SIK3: variants seen among roughly 807,000 people sequenced by gnomAD.
SIK3 encodes the protein SIK family kinase 3, also known as serine/threonine-protein kinase SIK3.
In SIK3, 28 loss-of-function variants were observed where a neutral mutation model predicts 144.2. The ratio of observed to expected loss-of-function variants is 0.19; its 90% CI spans 0.14 to 0.27. SIK3 has a LOEUF of 0.27. Among genes scored for constraint, SIK3 ranks in the 10% least tolerant of loss-of-function variants. The pLI is 1.00. For missense variants in SIK3, 1,319 were observed against 1,776.0 expected (o/e 0.74, Z 4.62); for synonymous variants, 686 against 676.3 (o/e 1.01, Z -0.22).
intron 6 of SIK3, among the ~76,000 whole-genome samples, chr11:116,888,209 A>G (rs1565412060): frequency 6.6e-6 from 1 of 152,224 alleles, no homozygotes; most frequent in Non-Finnish European, 1.5e-5. Flanking sequence ...TAGACCCTTC[A>G]GGAAGAAAAA....
At chr11:117,013,826 G>A in intron 1 of SIK3, among the ~76,000 whole-genome samples, 1 of 131,650 alleles carries the variant, frequency 7.6e-6, no homozygotes, top group Non-Finnish European at 1.6e-5. Context: ...AAGGAAAGGA[G>A]ATTTCTAAAA....
chr11:116,947,117 AT>A (rs1469346807), intron 3 of SIK3, among the ~76,000 whole-genome samples: 1 of 3,816 alleles, frequency 2.6e-4, no homozygotes, highest in African/African-American at 1.0e-3. Flanking sequence ...TCTCAAAAAA[AT>A]ATATATATAA....
chr11:116,952,767 A>G (rs1948988319), intron 3 of SIK3, among the ~76,000 whole-genome samples: 1 of 152,182 alleles, frequency 6.6e-6, no homozygotes, highest in Admixed American at 6.5e-5. Context: ...GGAAAGGAAA[A>G]CCAGTGTCTT....
intron 1 of SIK3, among the ~76,000 whole-genome samples, chr11:117,074,921 C>T (rs182967594): frequency 6.3e-5 from 9 of 142,100 alleles, no homozygotes; most frequent in Admixed American, 4.9e-4. Context: ...AGAGAGACTC[C>T]GTCTCAAAAC....
intron 1 of SIK3, among the ~76,000 whole-genome samples, chr11:117,028,661 T>C (rs551441812): frequency 6.6e-6 from 1 of 151,880 alleles, no homozygotes; most frequent in South Asian, 2.1e-4. Flanking sequence ...AGCAAAAGCA[T>C]AAAGGCCTGA....
chr11:117,014,024 G>C (rs1440229194), intron 1 of SIK3, among the ~76,000 whole-genome samples: 2 of 110,276 alleles, frequency 1.8e-5, no homozygotes, highest in African/African-American at 7.2e-5. Flanking sequence ...CTGTCACCCA[G>C]TCTGGAGTGC....
chr11:117,020,094 G>A (rs1312187933), intron 1 of SIK3, among the ~76,000 whole-genome samples: 2 of 151,844 alleles, frequency 1.3e-5, no homozygotes, highest in African/African-American at 4.8e-5. Context: ...CAAACCCGGG[G>A]TTTGACGAAT....
At chr11:117,091,601 A>G (rs995035699) in intron 1 of SIK3, among the ~76,000 whole-genome samples, 8 of 152,198 alleles carry the variant, frequency 5.3e-5, no homozygotes, top group Non-Finnish European at 1.0e-4. Flanking sequence ...TTCATGCCCA[A>G]TAAATCAACA....
At position 116,906,807 on chromosome 11, in the gene SIK3, C is replaced by T. The variant is rs143548578; in HGVS notation, c.617-9490G>A. On this transcript the variant is annotated intron_variant, in intron 4 of 24. Transcript: ENST00000445177. ...CACAGAAATGGACTACAAATATAAT[C>T]CAGATCCATTCAGAGTTATCTACAA... is the stretch of plus-strand genomic sequence containing the variant. 3.5e-4 allele frequency among the ~76,000 whole-genome samples: 54 copies of T among 152,264 alleles called. 1 individual carries two copies. In the East Asian group the frequency reaches 0.01, roughly 29 times the overall value.
intron 1 of SIK3, among the ~76,000 whole-genome samples, chr11:117,094,761 T>C (rs1955395870): frequency 6.6e-6 from 1 of 150,608 alleles, no homozygotes; most frequent in Non-Finnish European, 1.5e-5. Context: ...TGTAATACTT[T>C]ATAGTTTCCT....
chr11:116,960,682 A>G (rs529293223), intron 1 of SIK3, among the ~76,000 whole-genome samples: 33 of 152,356 alleles, frequency 2.2e-4, no homozygotes, highest in Middle Eastern at 3.4e-3. Flanking sequence ...TAATTTTCCA[A>G]TGGCTCCCTA....
At chr11:116,981,310 T>C (rs1950133105) in intron 1 of SIK3, among the ~76,000 whole-genome samples, 3 of 152,228 alleles carry the variant, frequency 2.0e-5, no homozygotes, top group South Asian at 4.1e-4. Flanking sequence ...TGGAAGCCTA[T>C]AGCTGGTGCC....
chr11:116,997,305 C>T (rs987092877), intron 1 of SIK3, among the ~76,000 whole-genome samples: 4 of 152,206 alleles, frequency 2.6e-5, no homozygotes, highest in Non-Finnish European at 4.4e-5. Context: ...AACAGGTGGG[C>T]AGTCAGTCTG....
chr11:116,876,153 A>G (rs950168772), intron 8 of SIK3, 100 bp downstream of exon 8: 1 of 1,482,452 alleles, frequency 6.7e-7, no homozygotes, highest in African/African-American at 1.4e-5. Flanking sequence ...GAAAAACAGG[A>G]GGAAAAAAAA....
chr11:117,060,395 G>C (rs557535475), intron 1 of SIK3, among the ~76,000 whole-genome samples: 1 of 152,036 alleles, frequency 6.6e-6, no homozygotes, highest in Non-Finnish European at 1.5e-5. Flanking sequence ...TCAGGAGTTC[G>C]AGACCAACCT....
At chr11:117,053,402 GAAT>G (rs1468842491) in intron 1 of SIK3, among the ~76,000 whole-genome samples, 1 of 151,494 alleles carries the variant, frequency 6.6e-6, no homozygotes, top group Non-Finnish European at 1.5e-5. Context: ...AATGCTTTGA[GAAT>G]AATAATAATA....
chr11:117,044,066 A>C (rs1460027685), intron 1 of SIK3, among the ~76,000 whole-genome samples: 3 of 152,376 alleles, frequency 2.0e-5, no homozygotes, highest in African/African-American at 7.2e-5. Flanking sequence ...TTTGTCAATA[A>C]GCAAAGGAAT....
chr11:116,950,693 G>A lies in SIK3; in HGVS notation c.454+3351C>T, dbSNP rs141916296. The stretch of plus-strand genomic sequence containing the variant: ...TACTGGAACACTTATTCTATGAAAT[G>A]AAATGTTGTCCGATTCTAGAATCGC... On this transcript the variant is annotated intron_variant, in intron 3 of 24. Transcript: ENST00000445177. Among the ~76,000 whole-genome samples, 323 of 152,314 alleles carry A rather than the reference G, an allele frequency of 2.1e-3. 3 individuals are homozygous for A. The highest frequency in any genetic ancestry group is 7.2e-3 in the African/African-American group (301 of 41,568).
chr11:116,847,875 T>C (rs924379576), intron 22 of SIK3, among the ~76,000 whole-genome samples: 1 of 152,176 alleles, frequency 6.6e-6, no homozygotes, highest in African/African-American at 2.4e-5. Context: ...TACATGGCCT[T>C]CTAAAACCAG....
Sources: allele counts gnomAD v4.1 joint callset (sites outside exome capture counted in the v4.1 genomes callset), GRCh38; gene constraint gnomAD v4.1.1; transcripts MANE v1.5; gene names NCBI Gene and HGNC (gene_info 2026-07-23, HGNC 2026-07-21).